Variants in ATG13 observed in about 807,000 individuals in gnomAD.
ATG13 encodes the protein autophagy-related protein 13.
A neutral mutation model predicts 65.5 loss-of-function variants in ATG13; 23 were observed. The observed-to-expected ratio is 0.35, with a 90% CI of 0.25 to 0.50. The LOEUF (loss-of-function observed/expected upper bound fraction) is 0.50. Among genes scored for constraint, ATG13 ranks in the 20% least tolerant of loss-of-function variants. The pLI, the probability that ATG13 is intolerant of heterozygous loss-of-function variation, is 0.98. For synonymous variants in ATG13, 252 were observed against 245.2 expected (o/e 1.03, Z -0.26); for missense variants, 566 against 677.0 (o/e 0.84, Z 1.82).
At chr11:46,633,058 T>C (rs2052542118) in intron 2 of ATG13, among the ~76,000 whole-genome samples, 1 of 140,616 alleles carries the variant, frequency 7.1e-6, no homozygotes, top group African/African-American at 2.6e-5. Flanking sequence ...GGGGTCTTGC[T>C]CTGTCGCCCA....
At chr11:46,649,600 A>T (rs1194066417) in intron 6 of ATG13, among the ~76,000 whole-genome samples, 3 of 152,224 alleles carry the variant, frequency 2.0e-5, no homozygotes, top group Non-Finnish European at 2.9e-5. Flanking sequence ...TTGGAAATGC[A>T]TGTTATTTCC....
rs2063996534 is a variant in ATG13, at chr11:46,672,553, C to T, written c.*221C>T. The T allele has an allele frequency of 3.5e-6, 5 of 1,446,962 alleles. No homozygotes were observed. The South Asian group carries it at 6.6e-5, about 19-fold the overall frequency. 89.6% of individuals were successfully genotyped at this position (1,446,962 alleles called of 1,614,324 possible). On this transcript the variant is annotated 3_prime_UTR_variant, in exon 19 of 19. Coordinates refer to ENST00000683050, the MANE Select transcript of ATG13 (RefSeq NM_001346311.2). ...AGTTGGAGAAGACTCACGTGCTGGC[C>T]TTGGAGATGGGAAGAACCTTCGTAC...
chr11:46,671,459 C>G (rs1282898811), intron 18 of ATG13, among the ~76,000 whole-genome samples: 8 of 152,212 alleles, frequency 5.3e-5, no homozygotes, highest in Non-Finnish European at 1.0e-4. Flanking sequence ...AGATTCTGGC[C>G]GGGTGCAGTG....
intron 7 of ATG13, 77 bp downstream of exon 7, chr11:46,650,394 T>C (rs955208083): frequency 9.8e-6 from 15 of 1,528,284 alleles, no homozygotes; most frequent in African/African-American, 5.5e-5. Context: ...TTAGATGTTC[T>C]GTGATGATGT....
intron 2 of ATG13, among the ~76,000 whole-genome samples, chr11:46,637,395 AT>A (rs1280364178): frequency 6.6e-6 from 1 of 152,194 alleles, no homozygotes; most frequent in African/African-American, 2.4e-5. Context: ...TTTTCTCTGA[AT>A]TTTAATAATT....
At chr11:46,622,391 A>T (rs1331532238) in intron 1 of ATG13, among the ~76,000 whole-genome samples, 1 of 151,956 alleles carries the variant, frequency 6.6e-6, no homozygotes, top group Non-Finnish European at 1.5e-5. Flanking sequence ...TGCTGGGATT[A>T]CAGGCGTGAG....
At chr11:46,656,933 A>G (rs2060164440) in intron 8 of ATG13, 162 bp from the exon 9 acceptor site, 16 of 647,112 alleles carry the variant, frequency 2.5e-5, no homozygotes, top group Non-Finnish European at 4.4e-5. Context: ...GCACATACAC[A>G]CACACACACA....
intron 1 of ATG13, among the ~76,000 whole-genome samples, chr11:46,619,483 CA>C (rs1181576896): frequency 6.9e-6 from 1 of 144,060 alleles, no homozygotes; most frequent in Admixed American, 7.4e-5. Flanking sequence ...CTCCCGGGTT[CA>C]AGCGATTCTC....
At chr11:46,628,845 C>A (rs1220049467) in intron 1 of ATG13, among the ~76,000 whole-genome samples, 1 of 152,060 alleles carries the variant, frequency 6.6e-6, no homozygotes, top group African/African-American at 2.4e-5. Flanking sequence ...ATAATCACCA[C>A]CACAATCAAA....
intron 14 of ATG13, among the ~76,000 whole-genome samples, chr11:46,666,386 G>A (rs1328141844): frequency 6.6e-6 from 1 of 152,222 alleles, no homozygotes; most frequent in Non-Finnish European, 1.5e-5. Flanking sequence ...GCCACAGTAT[G>A]TCTGTGTTAT....
At chr11:46,637,890 C>T (rs1242837301) in intron 2 of ATG13, among the ~76,000 whole-genome samples, 9 of 152,130 alleles carry the variant, frequency 5.9e-5, no homozygotes, top group Admixed American at 5.9e-4. Context: ...TTAGGAGGTG[C>T]ATATTTGGCT....
intron 2 of ATG13, among the ~76,000 whole-genome samples, chr11:46,642,247 TTTC>T (rs1315085913): frequency 6.6e-6 from 1 of 152,012 alleles, no homozygotes; most frequent in Non-Finnish European, 1.5e-5. Flanking sequence ...CTTTGTCCTG[TTTC>T]TTAAGTCAGT....
At chr11:46,670,980 C>A (rs2063589543) in intron 18 of ATG13, among the ~76,000 whole-genome samples, 1 of 152,132 alleles carries the variant, frequency 6.6e-6, no homozygotes, top group African/African-American at 2.4e-5. Flanking sequence ...CAGACCCAGG[C>A]AAAACAAAGC....
At chr11:46,644,473 T>A (rs1258690057) in intron 3 of ATG13, 113 bp downstream of exon 3, 10 of 891,394 alleles carry the variant, frequency 1.1e-5, no homozygotes, top group Non-Finnish European at 1.4e-5. Context: ...CTTGCCCATT[T>A]TAAGGGATAC....
intron 8 of ATG13, 111 bp from the exon 9 acceptor site, chr11:46,656,984 G>C: frequency 1.1e-6 from 1 of 871,644 alleles, no homozygotes; most frequent in South Asian, 1.4e-5. Flanking sequence ...AACATGCTAA[G>C]TGGATAATGC....
rs1172421608 is a variant in ATG13 at position 46,664,797 on chromosome 11, C to T, written c.889-52C>T. On this transcript the variant is annotated intron_variant, in intron 12 of 18. Transcript: ENST00000683050. ...TCTTGTTTGTCACGCTCTGGGATTG[C>T]CTATTTTTTCCTTGCCTTTCCTTTT... is the stretch of plus-strand genomic sequence containing the variant. 9 of 1,514,886 alleles carry T rather than the reference C, an allele frequency of 5.9e-6. No individual in the cohort carries two copies. In the African/African-American group the frequency reaches 1.1e-4, roughly 19 times the overall value. 93.8% of individuals were successfully genotyped at this position (1,514,886 alleles called of 1,614,324 possible).
Position 46,656,222 on chromosome 11 carries a change from C to A in ATG13, c.459-11C>A, listed in dbSNP as rs368591554. 6.2e-7 allele frequency: 1 copy of A among 1,610,782 alleles called. No individual in the cohort carries two copies. The highest frequency in any genetic ancestry group is 1.1e-5 in the South Asian group (1 of 90,934). Reference sequence around the variant, plus strand: ...AATCAGGTAACATTTCTTATTTTTTCTTCCATACAGGATATATTTTGGAGA... The same window carrying A: ...AATCAGGTAACATTTCTTATTTTTTATTCCATACAGGATATATTTTGGAGA... On this transcript the variant is annotated splice_polypyrimidine_tract_variant and intron_variant, in intron 7 of 18. Coordinates refer to ENST00000683050, the MANE Select transcript of ATG13 (RefSeq NM_001346311.2).
rs373761110 is a variant in ATG13, at chr11:46,661,444, G to A, written c.789+1959G>A. ...GAGGCAGGAGAATTGCTTGAACCCC[G>A]GAGGCAGAGGTTGCAGTGAGCCAAG... On this transcript the variant is annotated intron_variant, in intron 11 of 18. Coordinates refer to ENST00000683050, the MANE Select transcript of ATG13 (RefSeq NM_001346311.2). Among the ~76,000 whole-genome samples, 30 of 151,436 alleles carry A rather than the reference G, an allele frequency of 2.0e-4. No homozygotes were observed. The East Asian group carries it at 2.3e-3, about 12-fold the overall frequency.
chr11:46,619,890 G>A lies in ATG13; in HGVS notation c.-70+2000G>A, dbSNP rs1392264716. 4.0e-5 allele frequency among the ~76,000 whole-genome samples: 6 copies of A among 151,210 alleles called. No individual in the cohort carries two copies. The East Asian group carries it at 8.2e-4, about 21-fold the overall frequency. ...TAAAAATACAAAAAGTTAGCTGGAC[G>A]TAGTGTTGGGCGCCTGTAATCCCAC... On this transcript the variant is annotated intron_variant, in intron 1 of 18. Transcript: ENST00000683050.
Sources: gnomAD v4.1 joint callset for allele counts (sites outside exome capture counted in the v4.1 genomes callset) on GRCh38, gnomAD v4.1.1 for gene constraint, MANE v1.5 for transcripts, NCBI Gene and HGNC (gene_info 2026-07-23, HGNC 2026-07-21) for gene names.